Variants in EPHA6 observed in about 807,000 individuals in gnomAD.
EPHA6 encodes the protein EPH receptor A6.
In EPHA6, 50 loss-of-function variants were observed where a neutral mutation model predicts 112.0. The ratio of observed to expected loss-of-function variants is 0.45; its 90% CI spans 0.36 to 0.56. The LOEUF (loss-of-function observed/expected upper bound fraction) is 0.56, where lower values mean the gene tolerates loss of function less well. Among genes scored for constraint, EPHA6 ranks in the 20% least tolerant of loss-of-function variants. EPHA6 has a pLI of 0.00. For synonymous variants in EPHA6, 529 were observed against 490.7 expected, an observed-to-expected ratio of 1.08 and a Z score of -1.03; for missense variants, 1,280 against 1,417.4, an observed-to-expected ratio of 0.90 and a Z score of 1.56.
intron 3 of EPHA6, among the ~76,000 whole-genome samples, chr3:97,022,007 A>G (rs1218322662): frequency 6.6e-6 from 1 of 152,128 alleles, no homozygotes; most frequent in Non-Finnish European, 1.5e-5. Context: ...TTCACTCATC[A>G]CTAAAATTAC....
chr3:96,997,828 GA>G (rs1012092028), intron 3 of EPHA6, among the ~76,000 whole-genome samples: 1 of 151,940 alleles, frequency 6.6e-6, no homozygotes, highest in Non-Finnish European at 1.5e-5. Flanking sequence ...CACACTTTTG[GA>G]AAAATGGCAC....
chr3:97,220,774 A>G (rs1340555586), intron 3 of EPHA6, among the ~76,000 whole-genome samples: 2 of 152,194 alleles, frequency 1.3e-5, no homozygotes, highest in Non-Finnish European at 2.9e-5. Context: ...GCCTAACCAA[A>G]TCAGTCTGTA....
chr3:97,426,128 A>G (rs2089099494), intron 6 of EPHA6, among the ~76,000 whole-genome samples: 1 of 152,202 alleles, frequency 6.6e-6, no homozygotes, highest in Non-Finnish European at 1.5e-5. Flanking sequence ...ATTTTCGAGT[A>G]TCTTTACACC....
intron 3 of EPHA6, among the ~76,000 whole-genome samples, chr3:97,004,309 T>A (rs1270171232): frequency 6.6e-6 from 1 of 152,174 alleles, no homozygotes; most frequent in Non-Finnish European, 1.5e-5. Flanking sequence ...GCAACTATTG[T>A]TTCTTGACTT....
At chr3:97,716,955 A>C (rs375081967) in intron 14 of EPHA6, among the ~76,000 whole-genome samples, 11 of 152,186 alleles carry the variant, frequency 7.2e-5, no homozygotes, top group African/African-American at 2.7e-4. Context: ...GTGGGCCTGT[A>C]ATCCCAGCAC....
intron 5 of EPHA6, among the ~76,000 whole-genome samples, chr3:97,291,237 G>A (rs565790598): frequency 8.5e-5 from 13 of 152,152 alleles, no homozygotes; most frequent in African/African-American, 3.1e-4. Flanking sequence ...TGTCTGATAA[G>A]ATAGTTGAGA....
At position 97,386,702 on chromosome 3, in the gene EPHA6, G is replaced by T. The variant is rs140174992; in HGVS notation, c.1607-18448G>T. On this transcript the variant is annotated intron_variant, in intron 5 of 17. Coordinates refer to ENST00000389672, the MANE Select transcript of EPHA6 (RefSeq NM_001080448.3). Reference sequence around the variant, plus strand: ...GGAGGATGGTGGCCCACTTCTCACAGCTCCACTATACACTGTGCCAGTTGT... The same window carrying T: ...GGAGGATGGTGGCCCACTTCTCACATCTCCACTATACACTGTGCCAGTTGT... Among the ~76,000 whole-genome samples, 159 of 152,308 alleles carry T rather than the reference G, an allele frequency of 1.0e-3. 1 individual carries two copies. The highest frequency in any genetic ancestry group is 3.5e-3 in the African/African-American group (147 of 41,578).
At chr3:97,190,430 G>A (rs1254215972) in intron 3 of EPHA6, among the ~76,000 whole-genome samples, 2 of 152,020 alleles carry the variant, frequency 1.3e-5, no homozygotes, top group Non-Finnish European at 2.9e-5. Flanking sequence ...GGATAATTCT[G>A]AGGTGCATGC....
At chr3:97,188,100 T>C (rs1040317245) in intron 3 of EPHA6, among the ~76,000 whole-genome samples, 2 of 152,144 alleles carry the variant, frequency 1.3e-5, no homozygotes, top group African/African-American at 4.8e-5. Flanking sequence ...GAGTTTATGA[T>C]CCAGAAGTTT....
intron 5 of EPHA6, among the ~76,000 whole-genome samples, chr3:97,346,038 T>G (rs1186350505): frequency 6.6e-6 from 1 of 152,102 alleles, no homozygotes; most frequent in East Asian, 1.9e-4. Context: ...CCTCCTCTCA[T>G]AAAAATCTAT....
chr3:97,545,436 G>T (rs2092930587), intron 11 of EPHA6, among the ~76,000 whole-genome samples: 1 of 152,104 alleles, frequency 6.6e-6, no homozygotes, highest in African/African-American at 2.4e-5. Flanking sequence ...GAGACAGTTT[G>T]TTGTAATTTC....
At chr3:97,320,225 A>G (rs1243483101) in intron 5 of EPHA6, among the ~76,000 whole-genome samples, 1 of 152,072 alleles carries the variant, frequency 6.6e-6, no homozygotes, top group Non-Finnish European at 1.5e-5. Context: ...TTATTAGTGA[A>G]CTAATTCTCC....
chr3:97,319,113 T>C (rs76193403), intron 5 of EPHA6, among the ~76,000 whole-genome samples: 2,790 of 151,628 alleles, frequency 0.018, 79 homozygotes, highest in African/African-American at 0.057. Flanking sequence ...ACTTTTATCA[T>C]GAGAGACACT....
intron 11 of EPHA6, among the ~76,000 whole-genome samples, chr3:97,534,551 A>T (rs1157294014): frequency 6.6e-6 from 1 of 151,636 alleles, no homozygotes; most frequent in Non-Finnish European, 1.5e-5. Flanking sequence ...ATAAATAACA[A>T]TCTGAATTAA....
At chr3:97,039,715 G>A (rs969939841) in intron 3 of EPHA6, among the ~76,000 whole-genome samples, 3 of 151,664 alleles carry the variant, frequency 2.0e-5, no homozygotes, top group Non-Finnish European at 4.4e-5. Context: ...ACATGTATTC[G>A]GCAGTAAAGA....
At chr3:96,881,927 C>T (rs1217274510) in intron 2 of EPHA6, among the ~76,000 whole-genome samples, 1 of 152,310 alleles carries the variant, frequency 6.6e-6, no homozygotes, top group South Asian at 2.1e-4. Context: ...TGTCTCACAT[C>T]CAGGTCATGT....
intron 4 of EPHA6, among the ~76,000 whole-genome samples, chr3:97,230,342 T>C (rs1053577786): frequency 1.3e-5 from 2 of 152,168 alleles, no homozygotes; most frequent in East Asian, 1.9e-4. Context: ...GGTCTATGAA[T>C]GTGATAAGCT....
At chr3:97,443,356 T>C (rs1385100129) in intron 6 of EPHA6, among the ~76,000 whole-genome samples, 11 of 109,108 alleles carry the variant, frequency 1.0e-4, no homozygotes, top group African/African-American at 3.5e-4. Context: ...AATTAAGACA[T>C]CGCAAAAAAA....
chr3:97,341,561 G>A (rs1380497363), intron 5 of EPHA6, among the ~76,000 whole-genome samples: 1 of 151,962 alleles, frequency 6.6e-6, no homozygotes, highest in Non-Finnish European at 1.5e-5. Context: ...CACCATGTTG[G>A]CCAGGATGGT....
Sources: allele counts gnomAD v4.1 joint callset (sites outside exome capture counted in the v4.1 genomes callset), GRCh38; gene constraint gnomAD v4.1.1; transcripts MANE v1.5; gene names NCBI Gene and HGNC (gene_info 2026-07-23, HGNC 2026-07-21).